Variants in RABGAP1 observed in about 807,000 individuals in gnomAD.
RABGAP1 encodes rab GTPase-activating protein 1.
A neutral mutation model predicts 137.6 loss-of-function variants in RABGAP1; 23 were observed. The ratio of observed to expected loss-of-function variants is 0.17; its 90% CI spans 0.12 to 0.24. The LOEUF (loss-of-function observed/expected upper bound fraction) is 0.24, where lower values mean the gene tolerates loss of function less well. Among genes scored for constraint, RABGAP1 ranks in the 10% least tolerant of loss-of-function variants. The pLI is 1.00. For synonymous variants in RABGAP1, 451 were observed against 450.7 expected (o/e 1.00, Z -0.01); for missense variants, 906 against 1,275.8 (o/e 0.71, Z 4.42).
intron 1 of RABGAP1, among the ~76,000 whole-genome samples, chr9:122,943,533 A>G (rs1403278504): frequency 4.6e-5 from 7 of 152,240 alleles, no homozygotes; most frequent in African/African-American, 7.2e-5. Context: ...TGTAGTGGGA[A>G]CAGAGACACC....
At chr9:123,003,205 A>T (rs1029991224) in intron 10 of RABGAP1, among the ~76,000 whole-genome samples, 4 of 152,228 alleles carry the variant, frequency 2.6e-5, no homozygotes, top group Non-Finnish European at 5.9e-5. Flanking sequence ...TGTCTTGGCT[A>T]CTTCACTTTT....
At chr9:123,034,736 C>T (rs780216381) in intron 13 of RABGAP1, 1 of 1,613,760 alleles carries the variant, frequency 6.2e-7, no homozygotes, top group South Asian at 1.1e-5. Flanking sequence ...CACTGTGCAC[C>T]TTTGTTGAAC....
Position 123,103,485 on chromosome 9 carries a change from T to C in RABGAP1, c.*272T>C. 1 of 250,890 alleles carries C rather than the reference T, an allele frequency of 4.0e-6. No homozygotes were observed. The highest frequency in any genetic ancestry group is 5.5e-5 in the Admixed American group (1 of 18,158). The allele number at this position is 250,890 out of a possible 1,614,324, so 15.5% of individuals were successfully genotyped here. ...TGACCTCCCAGGCCTCTTCCCCGTG[T>C]ACGTCAACACCTCACCCAGCCTAAA... On this transcript the variant is annotated 3_prime_UTR_variant, in exon 26 of 26. Coordinates refer to ENST00000373647, the MANE Select transcript of RABGAP1 (RefSeq NM_012197.4).
chr9:123,086,759 G>A (rs2034879694), intron 19 of RABGAP1, among the ~76,000 whole-genome samples: 1 of 152,190 alleles, frequency 6.6e-6, no homozygotes, highest in East Asian at 1.9e-4. Flanking sequence ...ACTGGGAAAA[G>A]ACTGAGCTGG....
intron 2 of RABGAP1, among the ~76,000 whole-genome samples, chr9:122,962,579 C>A (rs553597188): frequency 6.6e-6 from 1 of 151,206 alleles, no homozygotes; most frequent in Admixed American, 6.6e-5. Flanking sequence ...AACAAGGATA[C>A]AAGTAAAAAT....
chr9:122,973,167 C>G (rs752907751), intron 2 of RABGAP1, among the ~76,000 whole-genome samples: 28 of 152,114 alleles, frequency 1.8e-4, no homozygotes, highest in Admixed American at 1.0e-3. Context: ...TTAGCTCTTA[C>G]CCAAAGATAC....
chr9:122,984,864 A>G (rs1218057437), intron 3 of RABGAP1, 145 bp downstream of exon 3: 1 of 719,226 alleles, frequency 1.4e-6, no homozygotes, highest in Non-Finnish European at 2.3e-6. Flanking sequence ...TCTGAATTCT[A>G]AATCTAAGGG....
intron 6 of RABGAP1, among the ~76,000 whole-genome samples, chr9:122,992,309 G>C (rs1836768547): frequency 6.6e-6 from 1 of 152,148 alleles, no homozygotes; most frequent in Non-Finnish European, 1.5e-5. Context: ...AGAGTGCTGG[G>C]ATTATAGGCA....
intron 11 of RABGAP1, among the ~76,000 whole-genome samples, chr9:123,015,186 T>G (rs2031124114): frequency 6.6e-6 from 1 of 152,116 alleles, no homozygotes; most frequent in Admixed American, 6.5e-5. Context: ...ATTTTTTAAG[T>G]GTTTTAAATA....
intron 13 of RABGAP1, chr9:123,029,698 T>C: frequency 1.5e-6 from 1 of 670,280 alleles, no homozygotes; most frequent in South Asian, 1.4e-5. Context: ...TGGGTCTTTG[T>C]CTTTCTTGGC....
intron 23 of RABGAP1, 99 bp downstream of exon 23, chr9:123,098,897 A>T (rs2035263017): frequency 3.3e-6 from 2 of 610,466 alleles, no homozygotes; most frequent in Admixed American, 3.0e-5. Context: ...AAATGCAAGC[A>T]CCCTGGTTTC....
chr9:123,081,790 A>G (rs1356120599), intron 19 of RABGAP1, among the ~76,000 whole-genome samples: 3 of 152,166 alleles, frequency 2.0e-5, no homozygotes, highest in Non-Finnish European at 4.4e-5. Context: ...TAGTATTGAT[A>G]TAGTTCTTAA....
At chr9:123,098,487 A>G (rs867171019) in intron 22 of RABGAP1, among the ~76,000 whole-genome samples, 37 of 152,208 alleles carry the variant, frequency 2.4e-4, no homozygotes, top group Middle Eastern at 3.2e-3. Flanking sequence ...AGAAGCCTCA[A>G]TCTGAAATGG....
intron 2 of RABGAP1, among the ~76,000 whole-genome samples, chr9:122,962,144 G>A (rs938867384): frequency 5.9e-5 from 9 of 151,696 alleles, no homozygotes; most frequent in Admixed American, 3.9e-4. Context: ...TTTGAATAAT[G>A]TTTCTATTTC....
chr9:123,083,079 A>C (rs1040910113), intron 19 of RABGAP1, among the ~76,000 whole-genome samples: 3 of 152,218 alleles, frequency 2.0e-5, no homozygotes, highest in African/African-American at 7.2e-5. Context: ...GGATGTGCAT[A>C]CTGAGACATA....
At chr9:123,054,706 C>T (rs1255795206) in intron 13 of RABGAP1, among the ~76,000 whole-genome samples, 1 of 152,118 alleles carries the variant, frequency 6.6e-6, no homozygotes, top group Non-Finnish European at 1.5e-5. Context: ...TCCTTAGGTT[C>T]CTGTTGACTG....
chr9:123,096,580 CTCTT>C (rs2035190440), intron 21 of RABGAP1, among the ~76,000 whole-genome samples: 1 of 152,068 alleles, frequency 6.6e-6, no homozygotes, highest in African/African-American at 2.4e-5. Flanking sequence ...TTTTTTCTCT[CTCTT>C]TTGAGACTGA....
intron 1 of RABGAP1, among the ~76,000 whole-genome samples, chr9:122,942,695 A>ACAC (rs1564345434): frequency 1.7e-3 from 250 of 149,516 alleles, no homozygotes; most frequent in African/African-American, 5.7e-3. Context: ...AAAACACAAA[A>ACAC]AAACAAAATA....
intron 13 of RABGAP1, among the ~76,000 whole-genome samples, chr9:123,054,068 A>G (rs755353479): frequency 2.0e-5 from 3 of 152,212 alleles, no homozygotes; most frequent in Non-Finnish European, 4.4e-5. Context: ...AGATGGGGAG[A>G]AGAAAACAGC....
Sources: gnomAD v4.1 joint callset for allele counts (sites outside exome capture counted in the v4.1 genomes callset) on GRCh38, gnomAD v4.1.1 for gene constraint, MANE v1.5 for transcripts, NCBI Gene and HGNC (gene_info 2026-07-23, HGNC 2026-07-21) for gene names.